Variants in EPC2 observed in about 807,000 individuals in gnomAD.
The protein encoded by EPC2 is enhancer of polycomb 2, also known as enhancer of polycomb homolog 2.
In EPC2, 14 loss-of-function variants were observed where a neutral mutation model predicts 92.1. The observed-to-expected ratio is 0.15, with a 90% confidence interval of 0.10 to 0.24. The LOEUF (loss-of-function observed/expected upper bound fraction) is 0.24. EPC2 is among the 10% of genes least tolerant of loss of function. The pLI, the probability that EPC2 is intolerant of heterozygous loss-of-function variation, is 1.00. For missense variants in EPC2, 755 were observed against 971.5 expected (o/e 0.78, Z 2.96); for synonymous variants, 340 against 334.7 (o/e 1.02, Z -0.17).
chr2:148,721,840 A>T (rs555276128), intron 2 of EPC2, among the ~76,000 whole-genome samples: 2 of 105,152 alleles, frequency 1.9e-5, no homozygotes, highest in African/African-American at 7.2e-5. Flanking sequence ...ATGCATCTCT[A>T]TTATATTAAA....
rs115531760 is a variant in EPC2 at position 148,664,342 on chromosome 2, T to C, written c.153+19172T>C. Among the ~76,000 whole-genome samples the C allele has an allele frequency of 7.1e-3, 1,081 of 152,032 alleles. 5 individuals carry two copies. The highest frequency in any genetic ancestry group is 0.025 in the African/African-American group (1,017 of 41,454). ...GGCTAAACCCTGTCTTCACTAAAAA[T>C]AGAAAAATTAGCCAGGCAGGGTGCT... On this transcript the variant is annotated intron_variant, in intron 1 of 13. Transcript: ENST00000258484.
intron 2 of EPC2, among the ~76,000 whole-genome samples, chr2:148,742,432 CT>C (rs1250964902): frequency 6.6e-6 from 1 of 151,958 alleles, no homozygotes; most frequent in East Asian, 1.9e-4. Flanking sequence ...TGAAGTTACA[CT>C]TTTTTTATGT....
At chr2:148,716,353 G>A (rs533686773) in intron 2 of EPC2, among the ~76,000 whole-genome samples, 1 of 152,124 alleles carries the variant, frequency 6.6e-6, no homozygotes, top group African/African-American at 2.4e-5. Flanking sequence ...GTATGTTATT[G>A]GTGGGTTTGT....
chr2:148,706,764 G>A (rs1055608280), intron 2 of EPC2, among the ~76,000 whole-genome samples: 10 of 152,110 alleles, frequency 6.6e-5, no homozygotes, highest in African/African-American at 2.4e-4. Context: ...ATAAGTGAAG[G>A]AGAAATAAAA....
chr2:148,743,057 T>A (rs571947595), intron 2 of EPC2, among the ~76,000 whole-genome samples: 1 of 152,320 alleles, frequency 6.6e-6, no homozygotes, highest in Admixed American at 6.5e-5. Context: ...CGTGCAACAT[T>A]CCCACCCTGT....
At chr2:148,754,298 C>G (rs1683139690) in intron 4 of EPC2, among the ~76,000 whole-genome samples, 165 bp downstream of exon 4, 1 of 152,114 alleles carries the variant, frequency 6.6e-6, no homozygotes, top group South Asian at 2.1e-4. Context: ...GACACATTAT[C>G]CATTGCGCCA....
chr2:148,703,555 G>A (rs1282899050), intron 2 of EPC2, among the ~76,000 whole-genome samples: 1 of 152,066 alleles, frequency 6.6e-6, no homozygotes, highest in Non-Finnish European at 1.5e-5. Context: ...TTGAGACAGG[G>A]TCTCACTGTG....
At chr2:148,671,287 A>ATTTTTTT (rs60048357) in intron 1 of EPC2, among the ~76,000 whole-genome samples, 4 of 127,084 alleles carry the variant, frequency 3.1e-5, no homozygotes, top group East Asian at 2.2e-4. Context: ...GTGGATTGTG[A>ATTTTTTT]TTTTTTTTTT....
At chr2:148,721,143 G>C (rs955875212) in intron 2 of EPC2, among the ~76,000 whole-genome samples, 1 of 151,978 alleles carries the variant, frequency 6.6e-6, no homozygotes, top group Non-Finnish European at 1.5e-5. Flanking sequence ...TGTTTATGTA[G>C]ATCTGAGTTT....
chr2:148,710,209 A>G (rs1017109970), intron 2 of EPC2, among the ~76,000 whole-genome samples: 2 of 152,266 alleles, frequency 1.3e-5, no homozygotes, highest in Non-Finnish European at 2.9e-5. Flanking sequence ...GACACTTTTC[A>G]AAAGAAGATA....
chr2:148,702,861 G>A (rs144507879), intron 2 of EPC2, among the ~76,000 whole-genome samples: 145 of 152,050 alleles, frequency 9.5e-4, no homozygotes, highest in African/African-American at 3.4e-3. Flanking sequence ...AGCTCATCAG[G>A]CTATCATTAG....
intron 3 of EPC2, among the ~76,000 whole-genome samples, chr2:148,747,854 C>T (rs998252997): frequency 6.6e-6 from 1 of 152,042 alleles, no homozygotes; most frequent in Non-Finnish European, 1.5e-5. Flanking sequence ...TTCCCAAATG[C>T]TCCAGAGCTG....
intron 1 of EPC2, among the ~76,000 whole-genome samples, chr2:148,646,176 T>C (rs1444222930): frequency 6.6e-6 from 1 of 152,122 alleles, no homozygotes; most frequent in African/African-American, 2.4e-5. Flanking sequence ...ATTGTCAACC[T>C]CGGGTGTGTG....
chr2:148,748,429 G>A (rs577572919), intron 3 of EPC2, among the ~76,000 whole-genome samples: 8 of 151,974 alleles, frequency 5.3e-5, no homozygotes, highest in African/African-American at 1.9e-4. Flanking sequence ...CCTTCTAGTT[G>A]GCCAGTTTGC....
At position 148,728,081 on chromosome 2, in the gene EPC2, C is replaced by A. The variant is rs556646567; in HGVS notation, c.314-15541C>A. On this transcript the variant is annotated intron_variant, in intron 2 of 13. Transcript: ENST00000258484. ...CATGGCTCACTGCAGCCTCAACTTT[C>A]TGCACTCAAGTGATCCTCCTGCCTG... Among the ~76,000 whole-genome samples, 5 of 152,288 alleles carry A rather than the reference C, an allele frequency of 3.3e-5. No individual in the cohort carries two copies. The East Asian group carries it at 9.6e-4, about 29-fold the overall frequency.
chr2:148,767,863 G>A (rs1328417463), intron 7 of EPC2, among the ~76,000 whole-genome samples: 1 of 152,172 alleles, frequency 6.6e-6, no homozygotes, highest in Non-Finnish European at 1.5e-5. Context: ...GAGACTTTGT[G>A]ACACTTCCTG....
rs571620019 is a variant in EPC2 at position 148,770,386 on chromosome 2, C to T, written c.1231-406C>T. Among the ~76,000 whole-genome samples, 163 of 152,188 alleles carry T rather than the reference C, an allele frequency of 1.1e-3. 1 individual carries two copies. The highest frequency in any genetic ancestry group is 3.8e-3 in the African/African-American group (156 of 41,536). ...TAAAGAGGAAGCTTCAGTTTGACCC[C>T]ATAGTGTTTGAAGTGCAATTTTTAG... On this transcript the variant is annotated intron_variant, in intron 8 of 13. Transcript: ENST00000258484.
At chr2:148,720,875 G>A (rs984394786) in intron 2 of EPC2, among the ~76,000 whole-genome samples, 10 of 152,180 alleles carry the variant, frequency 6.6e-5, no homozygotes, top group Admixed American at 3.3e-4. Flanking sequence ...GTATTCACTC[G>A]CCGCTTTCGT....
In EPC2 at chr2:148,786,406, GA is replaced by G; in HGVS notation, c.*30del. ...AAAACACGTGGCTCTGACCTGTGCTGATGGTGTGCAGTCATTCATATTCCAG... is the reference window on the plus strand; with the variant it reads ...AAAACACGTGGCTCTGACCTGTGCTGTGGTGTGCAGTCATTCATATTCCAG... On this transcript the variant is annotated 3_prime_UTR_variant, in exon 14 of 14. Coordinates refer to ENST00000258484, the MANE Select transcript of EPC2 (RefSeq NM_015630.4). 2.6e-6 allele frequency: 4 copies of G among 1,567,310 alleles called. No individual in the cohort carries two copies. The highest frequency in any genetic ancestry group is 2.6e-6 in the Non-Finnish European group (3 of 1,146,322).
Sources: gnomAD v4.1 joint callset for allele counts (sites outside exome capture counted in the v4.1 genomes callset) on GRCh38, gnomAD v4.1.1 for gene constraint, MANE v1.5 for transcripts, NCBI Gene and HGNC (gene_info 2026-07-23, HGNC 2026-07-21) for gene names.